CLASRP: variants seen among roughly 807,000 people sequenced by gnomAD.
The protein encoded by CLASRP is CLK4-associating serine/arginine rich protein.
A neutral mutation model predicts 99.9 loss-of-function variants in CLASRP; 52 were observed. That is an observed-to-expected ratio of 0.52 (90% CI 0.42 to 0.66). The LOEUF (loss-of-function observed/expected upper bound fraction) is 0.66, where lower values mean the gene tolerates loss of function less well. Ranked by LOEUF, CLASRP falls within the 30% of genes least tolerant of loss-of-function variation. CLASRP has a pLI of 0.00. For missense variants in CLASRP, 848 were observed against 999.2 expected (o/e 0.85, Z 2.04); for synonymous variants, 379 against 373.0 (o/e 1.02, Z -0.18).
At chr19:45,056,986 A>C (rs559700696) in intron 6 of CLASRP, among the ~76,000 whole-genome samples, 1 of 152,132 alleles carries the variant, frequency 6.6e-6, no homozygotes, top group Admixed American at 6.5e-5. Flanking sequence ...CACTCTGGAG[A>C]GAGGCTTCTT....
chr19:45,046,404 T>C (rs1046700852), intron 2 of CLASRP, among the ~76,000 whole-genome samples: 1 of 152,250 alleles, frequency 6.6e-6, no homozygotes, highest in African/African-American at 2.4e-5. Flanking sequence ...CAGAATCCTC[T>C]GTTGATACGG....
intron 10 of CLASRP, among the ~76,000 whole-genome samples, chr19:45,061,235 A>T (rs1568418616): frequency 6.6e-6 from 1 of 152,182 alleles, no homozygotes; most frequent in Non-Finnish European, 1.5e-5. Flanking sequence ...TAAGGCTTAA[A>T]CAACTTGTAG....
intron 13 of CLASRP, among the ~76,000 whole-genome samples, chr19:45,066,010 T>C (rs1291335695): frequency 6.6e-6 from 1 of 152,192 alleles, no homozygotes; most frequent in East Asian, 1.9e-4. Flanking sequence ...GGCAAGCACA[T>C]GTTCCCTCCA....
intron 15 of CLASRP, 126 bp downstream of exon 15, chr19:45,068,180 A>T: frequency 1.2e-6 from 1 of 812,086 alleles, no homozygotes; most frequent in Non-Finnish European, 2.1e-6. Context: ...CAGGGAGGGG[A>T]GGGGAAGGGT....
chr19:45,064,912 A>G lies in CLASRP; in HGVS notation c.1409+282A>G, dbSNP rs573066133. Reference sequence around the variant, plus strand: ...GACTGTGCATCTCTCTCTCCTCAGGAGACTGTTTTTGCTGTCAGGGGTTCC... The same window carrying G: ...GACTGTGCATCTCTCTCTCCTCAGGGGACTGTTTTTGCTGTCAGGGGTTCC... On this transcript the variant is annotated intron_variant, in intron 13 of 20. Coordinates refer to ENST00000221455, the MANE Select transcript of CLASRP (RefSeq NM_007056.3). Among the ~76,000 whole-genome samples, 182 of 152,100 alleles carry G rather than the reference A, an allele frequency of 1.2e-3. 1 individual carries two copies. Among genetic ancestry groups the G allele is most frequent in the African/African-American group, 3.9e-3 (162 of 41,480 alleles).
chr19:45,066,484 G>A lies in CLASRP; in HGVS notation c.1410-853G>A, dbSNP rs181309073. Among the ~76,000 whole-genome samples, 511 of 151,780 alleles carry A rather than the reference G, an allele frequency of 3.4e-3. 2 individuals carry two copies. Among genetic ancestry groups the A allele is most frequent in the African/African-American group, 0.012 (484 of 41,406 alleles). On this transcript the variant is annotated intron_variant, in intron 13 of 20. Coordinates refer to ENST00000221455, the MANE Select transcript of CLASRP (RefSeq NM_007056.3). ...AACGCAATTCAAAAATTAGCCGGGT[G>A]TGGTTGTGCACATCTGTAATCCCAG... is the stretch of plus-strand genomic sequence containing the variant.
chr19:45,060,500 G>C lies in CLASRP; in HGVS notation c.789+33G>C, dbSNP rs777726691. On this transcript the variant is annotated intron_variant, in intron 9 of 20. Coordinates refer to ENST00000221455, the MANE Select transcript of CLASRP (RefSeq NM_007056.3). The surrounding 1 kb of genome is among the most constrained non-coding windows in gnomAD (Gnocchi z 4.6). ...CTGGGCTGGAGTGGAAGGGGACAGG[G>C]GTGTGTCACAGGGAGGGCACCCCCT... The C allele has an allele frequency of 1.7e-5, 28 of 1,613,564 alleles. No homozygotes were observed. The highest frequency in any genetic ancestry group is 2.2e-5 in the Non-Finnish European group (26 of 1,179,640).
At position 45,060,776 on chromosome 19, in the gene CLASRP, G is replaced by A; in HGVS notation, c.863+149G>A. On this transcript the variant is annotated intron_variant, in intron 10 of 20. Transcript: ENST00000221455. The surrounding 1 kb of genome is among the most constrained non-coding windows in gnomAD (Gnocchi z 4.6). ...GATGCATGGCCATCGTGAAGGTTTA[G>A]AGGTAGGAACGGCCTTGAGGGCCAT... 2.9e-6 allele frequency: 2 copies of A among 685,002 alleles called. No individual in the cohort carries two copies. Among genetic ancestry groups the A allele is most frequent in the Non-Finnish European group, 4.9e-6 (2 of 405,436 alleles). The allele number at this position is 685,002 out of a possible 1,614,324, so 42.4% of individuals were successfully genotyped here. A position where few individuals can be genotyped will look rare whatever the true frequency, so the allele number is the denominator to read the frequency against.
In CLASRP at chr19:45,070,816, C is replaced by G. The variant is rs762670361; in HGVS notation, c.1996C>G (p.Arg666Gly). Residue 666 changes from arginine to glycine, a missense_variant, in exon 21 of 21, where the codon CGA becomes GGA. Arg to Gly is a moderately radical substitution (Grantham distance 125, BLOSUM62 -2). Around this residue, in one of 8 missense-constraint regions of CLASRP, gnomAD observed 116 missense variants for 162.7 expected, o/e 0.71. Coordinates refer to ENST00000221455, the MANE Select transcript of CLASRP (RefSeq NM_007056.3). The part of the protein sequence containing the change: ...YSSSRRRSRS[R>G]SRSPHYRH ...TTCTCTTTCCAGGCGCTCAAGGTCC[C>G]GATCCCGAAGCCCCCATTACCGACA... The G allele has an allele frequency of 9.3e-6, 15 of 1,610,526 alleles. No homozygotes were observed. Among genetic ancestry groups the G allele is most frequent in the Middle Eastern group, 1.7e-4 (1 of 6,040 alleles).
intron 10 of CLASRP, among the ~76,000 whole-genome samples, chr19:45,061,437 G>A (rs188874077): frequency 6.6e-6 from 1 of 152,042 alleles, no homozygotes; most frequent in Admixed American, 6.5e-5. Context: ...ACCTCTCTGG[G>A]CCTCAGTTTC....
Position 45,040,202 on chromosome 19 carries a change from G to T in CLASRP, c.-11G>T. 2 of 1,597,838 alleles carry T rather than the reference G, an allele frequency of 1.3e-6. No individual in the cohort carries two copies. The highest frequency in any genetic ancestry group is 1.1e-5 in the South Asian group (1 of 88,182). ...CCCTCAGGTTGAGGCCCCAGGCTTG[G>T]CCTCACCACAATGTGGCACGAGGCT... On this transcript the variant is annotated 5_prime_UTR_variant, in exon 2 of 21. Coordinates refer to ENST00000221455, the MANE Select transcript of CLASRP (RefSeq NM_007056.3).
At chr19:45,045,697 C>T (rs1260994738) in intron 2 of CLASRP, among the ~76,000 whole-genome samples, 1 of 152,080 alleles carries the variant, frequency 6.6e-6, no homozygotes, top group Non-Finnish European at 1.5e-5. Flanking sequence ...ATGTTGGTTG[C>T]CAATTAATGG....
At position 45,052,901 on chromosome 19, in the gene CLASRP, C is replaced by T. The variant is rs747260553; in HGVS notation, c.299+9C>T. On this transcript the variant is annotated intron_variant, in intron 4 of 20. Coordinates refer to ENST00000221455, the MANE Select transcript of CLASRP (RefSeq NM_007056.3). ...CCTCTGCTCACCACCATGTAAGCCA[C>T]CTCCCAGGGGGTTGCCAGGCACAGC... 6 of 1,597,560 alleles carry T rather than the reference C, an allele frequency of 3.8e-6. No individual in the cohort carries two copies. Among genetic ancestry groups the T allele is most frequent in the Non-Finnish European group, 5.1e-6 (6 of 1,172,632 alleles).
chr19:45,047,397 G>A (rs974630874), intron 2 of CLASRP: 3 of 122,316 alleles, frequency 2.5e-5, no homozygotes, highest in African/African-American at 6.2e-5. Flanking sequence ...GGGTGACAGA[G>A]CAAGACTCCA....
At chr19:45,059,676 G>C (rs1966895218) in intron 8 of CLASRP, among the ~76,000 whole-genome samples, 1 of 152,116 alleles carries the variant, frequency 6.6e-6, no homozygotes, top group African/African-American at 2.4e-5. Flanking sequence ...TCATTCCCTG[G>C]TTATTTATCC....
intron 5 of CLASRP, among the ~76,000 whole-genome samples, chr19:45,055,287 C>T (rs1341497770): frequency 6.6e-6 from 1 of 152,208 alleles, no homozygotes; most frequent in African/African-American, 2.4e-5. Context: ...GGATAGGCCA[C>T]AGGATTCCAG....
At chr19:45,068,322 C>T (rs1450202252) in intron 15 of CLASRP, 98 bp from the exon 16 acceptor site, 3 of 317,370 alleles carry the variant, frequency 9.5e-6, no homozygotes, top group African/African-American at 4.8e-5. Context: ...CCCCCCCCCA[C>T]CCCCCCCCCG....
chr19:45,058,675 G>A (rs1470922117), intron 7 of CLASRP, among the ~76,000 whole-genome samples: 2 of 151,956 alleles, frequency 1.3e-5, no homozygotes, highest in Non-Finnish European at 2.9e-5. Context: ...GTGAGCCACC[G>A]CGCTCAGCCC....
chr19:45,052,890 C>T lies in CLASRP; in HGVS notation c.297C>T (p.Thr99=). Residue 99 remains threonine, a splice_region_variant and synonymous_variant, in exon 4 of 21, where the codon ACC becomes ACT. Transcript: ENST00000221455. ...ACTACACCCCCCCTCTGCTCACCAC[C>T]ATGTAAGCCACCTCCCAGGGGGTTG... ...IPDYTPPLLT[T]ISPEQESDER... The T allele has an allele frequency of 6.2e-7, 1 of 1,602,210 alleles. No homozygotes were observed. Among genetic ancestry groups the T allele is most frequent in the Non-Finnish European group, 8.5e-7 (1 of 1,175,322 alleles).
Sources: allele counts gnomAD v4.1 joint callset (sites outside exome capture counted in the v4.1 genomes callset), GRCh38; gene constraint gnomAD v4.1.1; regional missense constraint gnomAD v4.1.1; non-coding constraint Gnocchi (gnomAD v3.1); transcripts MANE v1.5; gene names NCBI Gene and HGNC (gene_info 2026-07-23, HGNC 2026-07-21).